NUDT2: variants seen among roughly 807,000 people sequenced by gnomAD.
NUDT2 encodes the protein nudix hydrolase 2.
In NUDT2, 12 loss-of-function variants were observed where a neutral mutation model predicts 14.2. That is an observed-to-expected ratio of 0.84 (90% confidence interval 0.54 to 1.37). The LOEUF is 1.37. NUDT2 is among the 40% of genes most tolerant of loss of function. The pLI, the probability that NUDT2 is intolerant of heterozygous loss-of-function variation, is 0.00. For synonymous variants in NUDT2, 67 were observed against 67.4 expected (o/e 0.99, Z 0.03); for missense variants, 167 against 176.7 (o/e 0.95, Z 0.31).
At chr9:34,338,932 C>G (rs1838166279) in intron 3 of NUDT2, 85 bp downstream of exon 3, 1 of 1,072,940 alleles carries the variant, frequency 9.3e-7, no homozygotes. Flanking sequence ...GTTAGCTAGT[C>G]TGCATTACTG....
intron 2 of NUDT2, among the ~76,000 whole-genome samples, chr9:34,338,494 C>T (rs1288562199): frequency 4.1e-5 from 6 of 147,466 alleles, no homozygotes; most frequent in African/African-American, 1.0e-4. Context: ...GTCAACAGTG[C>T]TAGACCCTGT....
Position 34,339,134 on chromosome 9 carries a change from C to T in NUDT2, c.95C>T (p.Ser32Leu). Residue 32 changes from serine (S) to leucine (L), a missense_variant, in exon 4 of 5, where the codon TCA becomes TTA. By Grantham distance (145) the Ser-to-Leu change is moderately radical (BLOSUM62 -2). Transcript: ENST00000379158. ...ATTGAGTTTTTACTGCTGCAGGCAT[C>T]AGATGGCATTCATCACTGGACTCCT... Reference protein sequence around the residue: ...NAIEFLLLQASDGIHHWTPPK... With the variant: ...NAIEFLLLQALDGIHHWTPPK... 2 of 1,614,080 alleles carry T rather than the reference C, an allele frequency of 1.2e-6. No homozygotes were observed. Among genetic ancestry groups the T allele is most frequent in the Non-Finnish European group, 1.7e-6 (2 of 1,179,954 alleles).
At chr9:34,342,258 T>C (rs1820209328) in intron 4 of NUDT2, among the ~76,000 whole-genome samples, 2 of 152,188 alleles carry the variant, frequency 1.3e-5, no homozygotes, top group African/African-American at 2.4e-5. Context: ...GAAAAAGCCT[T>C]GATAGCTTCA....
chr9:34,337,845 ACTT>A (rs1243830827), intron 2 of NUDT2, among the ~76,000 whole-genome samples: 5 of 151,860 alleles, frequency 3.3e-5, no homozygotes, highest in Non-Finnish European at 7.4e-5. Flanking sequence ...GGGGAGGACC[ACTT>A]CTTTTTTTGA....
chr9:34,335,432 A>G (rs1242232169), intron 1 of NUDT2, among the ~76,000 whole-genome samples: 1 of 152,194 alleles, frequency 6.6e-6, no homozygotes, highest in East Asian at 1.9e-4. Context: ...GTTTTCTGTC[A>G]CTCATAGCGT....
At chr9:34,339,212 TCAGAAATCTACCCTGC>T (rs756831985) in intron 4 of NUDT2, 46 bp downstream of exon 4, 1 of 1,596,340 alleles carries the variant, frequency 6.3e-7, no homozygotes. Flanking sequence ...CAACCACTGC[TCAGAAATCTACCCTGC>T]CAGGCCCTCC....
At chr9:34,331,305 A>G (rs1837928146) in intron 1 of NUDT2, among the ~76,000 whole-genome samples, 1 of 152,198 alleles carries the variant, frequency 6.6e-6, no homozygotes, top group Admixed American at 6.6e-5. Context: ...AGTAACTCAT[A>G]TATTTAGTAC....
chr9:34,343,411 C>T lies in NUDT2; in HGVS notation c.415C>T (p.His139Tyr). The T allele has an allele frequency of 1.2e-6, 2 of 1,605,976 alleles. No homozygotes were observed. Among genetic ancestry groups the T allele is most frequent in the Non-Finnish European group, 8.5e-7 (1 of 1,174,952 alleles). The part of the protein sequence containing the change: ...KEMKAALQEG[H>Y]QFLCSIEA ...GATGAAGGCAGCGCTCCAAGAAGGA[C>T]ACCAGTTTCTTTGCTCCATAGAGGC... Residue 139 changes from histidine to tyrosine, a missense_variant, in exon 5 of 5, where the codon CAC becomes TAC. Physicochemically the swap from His to Tyr is moderately conservative, Grantham distance 83 (BLOSUM62 2). Transcript: ENST00000379158.
intron 2 of NUDT2, among the ~76,000 whole-genome samples, 184 bp from the exon 3 acceptor site, chr9:34,338,529 G>A (rs180792331): frequency 2.0e-5 from 3 of 146,636 alleles, no homozygotes; most frequent in African/African-American, 5.0e-5. Flanking sequence ...AAAACTCAAC[G>A]AAATATTTTT....
intron 4 of NUDT2, among the ~76,000 whole-genome samples, chr9:34,342,575 A>G (rs1820218535): frequency 6.6e-6 from 1 of 152,184 alleles, no homozygotes; most frequent in East Asian, 1.9e-4. Context: ...TGCTATACAC[A>G]TGGTCTGTTT....
At chr9:34,335,373 C>T (rs1838065389) in intron 1 of NUDT2, among the ~76,000 whole-genome samples, 1 of 152,224 alleles carries the variant, frequency 6.6e-6, no homozygotes, top group Non-Finnish European at 1.5e-5. Flanking sequence ...TGGATTTATC[C>T]ACCAACTTCC....
intron 4 of NUDT2, among the ~76,000 whole-genome samples, chr9:34,342,644 A>G (rs1048453952): frequency 2.6e-5 from 4 of 152,056 alleles, no homozygotes; most frequent in African/African-American, 9.7e-5. Context: ...CGAGAACTAG[A>G]CACTACCTGC....
At chr9:34,338,990 T>C in intron 3 of NUDT2, 34 bp from the exon 4 acceptor site, 1 of 1,577,016 alleles carries the variant, frequency 6.3e-7, no homozygotes, top group Non-Finnish European at 8.7e-7. Flanking sequence ...CTATTTTGTG[T>C]AACTTCCCAA....
intron 1 of NUDT2, among the ~76,000 whole-genome samples, chr9:34,329,813 C>T (rs1329152806): frequency 2.6e-5 from 4 of 152,074 alleles, no homozygotes; most frequent in Non-Finnish European, 1.5e-5. Flanking sequence ...GGGAGGTTCC[C>T]TGACTCTGAG....
intron 4 of NUDT2, among the ~76,000 whole-genome samples, chr9:34,341,596 G>A (rs1249444136): frequency 6.6e-6 from 1 of 152,036 alleles, no homozygotes; most frequent in African/African-American, 2.4e-5. Context: ...TGCAACCTCC[G>A]CCTCCTGGGC....
Position 34,343,399 on chromosome 9 carries a change from C to T in NUDT2, c.403C>T (p.Leu135Phe). The change falls in exon 5 of 5, where the codon CTC (leucine) becomes TTC (phenylalanine). Residue 135 changes from leucine to phenylalanine, a missense_variant. Coordinates refer to ENST00000379158, the MANE Select transcript of NUDT2 (RefSeq NM_001161.5). The part of the protein sequence containing the change: ...LAQFKEMKAA[L>F]QEGHQFLCSI... Reference sequence around the variant, plus strand: ...TCAGTTCAAGGAGATGAAGGCAGCGCTCCAAGAAGGACACCAGTTTCTTTG... The same window carrying T: ...TCAGTTCAAGGAGATGAAGGCAGCGTTCCAAGAAGGACACCAGTTTCTTTG... 1.9e-6 allele frequency: 3 copies of T among 1,610,050 alleles called. No homozygotes were observed. The highest frequency in any genetic ancestry group is 2.5e-6 in the Non-Finnish European group (3 of 1,177,224).
At chr9:34,342,344 A>G (rs1820212058) in intron 4 of NUDT2, among the ~76,000 whole-genome samples, 1 of 152,172 alleles carries the variant, frequency 6.6e-6, no homozygotes, top group Non-Finnish European at 1.5e-5. Context: ...ACCTGCAGAC[A>G]ATGTTAAGTC....
intron 2 of NUDT2, among the ~76,000 whole-genome samples, chr9:34,337,545 C>G (rs1285305631): frequency 6.6e-6 from 1 of 152,162 alleles, no homozygotes; most frequent in Non-Finnish European, 1.5e-5. Flanking sequence ...TTGGAAAGGT[C>G]TTGGTGTTGG....
intron 4 of NUDT2, among the ~76,000 whole-genome samples, chr9:34,340,345 C>G (rs994779172): frequency 2.6e-5 from 4 of 151,916 alleles, no homozygotes; most frequent in African/African-American, 7.2e-5. Context: ...ATCATAGATT[C>G]ATCTGCAGAT....
Sources: gnomAD v4.1 joint callset for allele counts (sites outside exome capture counted in the v4.1 genomes callset) on GRCh38, gnomAD v4.1.1 for gene constraint, MANE v1.5 for transcripts, NCBI Gene and HGNC (gene_info 2026-07-23, HGNC 2026-07-21) for gene names.